P4HA1: variants seen among roughly 807,000 people sequenced by gnomAD.
P4HA1 encodes prolyl 4-hydroxylase subunit alpha 1, also known as prolyl 4-hydroxylase subunit alpha-1.
Under a neutral mutation model 72.8 loss-of-function variants are expected in P4HA1, and 24 were observed. That is an observed-to-expected ratio of 0.33 (90% CI 0.24 to 0.46). The LOEUF (loss-of-function observed/expected upper bound fraction) is 0.46, where lower values mean the gene tolerates loss of function less well. P4HA1 is among the 20% of genes least tolerant of loss of function. The pLI, the probability that P4HA1 is intolerant of heterozygous loss-of-function variation, is 1.00. For missense variants in P4HA1, 446 were observed against 640.6 expected (o/e 0.70, Z 3.28); for synonymous variants, 201 against 218.8 (o/e 0.92, Z 0.72).
chr10:73,016,696 C>G, intron 11 of P4HA1, 150 bp downstream of exon 11: 1 of 461,302 alleles, frequency 2.2e-6, no homozygotes, highest in Non-Finnish European at 4.0e-6. Flanking sequence ...AGAATTGCTC[C>G]AACCCAGGAG....
rs200687890 is a variant in P4HA1 at position 73,096,825 on chromosome 10, C to G, written c.-92G>C. On this transcript the variant is annotated 5_prime_UTR_variant, in exon 1 of 15. Coordinates refer to ENST00000394890, the MANE Select transcript of P4HA1 (RefSeq NM_001017962.3). ...AGCCCCCAGTCGCCTCCACTCGGAGCGGCTACTTCCTACCCTCAGCCCGCT... is the reference window on the plus strand; with the variant it reads ...AGCCCCCAGTCGCCTCCACTCGGAGGGGCTACTTCCTACCCTCAGCCCGCT... 2.0e-5 allele frequency: 3 copies of G among 152,804 alleles called. No homozygotes were observed. Among genetic ancestry groups the G allele is most frequent in the African/African-American group, 7.2e-5 (3 of 41,464 alleles). 9.5% of individuals were successfully genotyped at this position (152,804 alleles called of 1,614,324 possible). A position where few individuals can be genotyped will look rare whatever the true frequency, so the allele number is the denominator to read the frequency against.
chr10:73,058,774 CTTTTTTT>C (rs151028824), intron 5 of P4HA1, among the ~76,000 whole-genome samples: 1 of 123,828 alleles, frequency 8.1e-6, no homozygotes, highest in East Asian at 2.3e-4. Context: ...TTATAGTATG[CTTTTTTT>C]TTTTTTTTTT....
intron 11 of P4HA1, 146 bp downstream of exon 11, chr10:73,016,700 C>A (rs1432938487): frequency 6.3e-6 from 3 of 478,862 alleles, no homozygotes; most frequent in Non-Finnish European, 1.1e-5. Context: ...TTGCTCCAAC[C>A]CAGGAGGCAG....
intron 1 of P4HA1, among the ~76,000 whole-genome samples, 190 bp downstream of exon 1, chr10:73,096,576 C>CGGGAGTCGCGTGGCGCA (rs1290990510): frequency 6.6e-6 from 1 of 152,144 alleles, no homozygotes; most frequent in Non-Finnish European, 1.5e-5. Context: ...GCGCGGGCGC[C>CGGGAGTCGCGTGGCGCA]GGGAGTCGCG....
At position 73,083,024 on chromosome 10, in the gene P4HA1, A is replaced by G. The variant is rs1268197502; in HGVS notation, c.-32-8109T>C. On this transcript the variant is annotated intron_variant, in intron 1 of 14. Transcript: ENST00000394890. ...TTCAAACAAGCTTGAAAAAGAAATT[A>G]ATGGGTCAAAATGGATGCAATCTCC... 4.1e-5 allele frequency among the ~76,000 whole-genome samples: 6 copies of G among 145,884 alleles called. 1 individual carries two copies. Among genetic ancestry groups the G allele is most frequent in the Non-Finnish European group, 5.9e-5 (4 of 67,668 alleles).
intron 1 of P4HA1, among the ~76,000 whole-genome samples, chr10:73,094,494 A>G (rs943313048): frequency 9.9e-5 from 15 of 152,212 alleles, no homozygotes; most frequent in Non-Finnish European, 1.5e-4. Flanking sequence ...AAAGGATTTC[A>G]TGACCTTAAA....
At chr10:73,041,306 A>G (rs559844228) in intron 9 of P4HA1, among the ~76,000 whole-genome samples, 1 of 152,196 alleles carries the variant, frequency 6.6e-6, no homozygotes, top group South Asian at 2.1e-4. Flanking sequence ...GCACTTTGGG[A>G]GGCCGAGGCA....
In P4HA1 at chr10:73,036,268, T is replaced by A. The variant is rs78628291; in HGVS notation, c.1149-5898A>T. ...TGTTGATTGTAGGTTAAAAAAAAAA[T>A]AACTGTCAAACTGTCATCTTAATTG... On this transcript the variant is annotated intron_variant, in intron 9 of 14. Coordinates refer to ENST00000394890, the MANE Select transcript of P4HA1 (RefSeq NM_001017962.3). 5.3e-4 allele frequency among the ~76,000 whole-genome samples: 73 copies of A among 137,028 alleles called. 1 individual carries two copies. The highest frequency in any genetic ancestry group is 2.5e-3 in the African/African-American group (71 of 28,186). 89.9% of individuals were successfully genotyped at this position (137,028 alleles called of 152,430 possible).
chr10:73,031,420 G>T (rs1247657993), intron 9 of P4HA1, among the ~76,000 whole-genome samples: 1 of 152,168 alleles, frequency 6.6e-6, no homozygotes, highest in African/African-American at 2.4e-5. Context: ...GGGAGTTTGA[G>T]GCTGCAGTGA....
At chr10:73,056,464 T>A (rs1358578870) in intron 5 of P4HA1, among the ~76,000 whole-genome samples, 1 of 151,668 alleles carries the variant, frequency 6.6e-6, no homozygotes, top group Non-Finnish European at 1.5e-5. Context: ...AAACCCTGTC[T>A]CTACTAAAAA....
chr10:73,041,410 G>A (rs191904840), intron 9 of P4HA1, among the ~76,000 whole-genome samples: 3 of 152,030 alleles, frequency 2.0e-5, no homozygotes, highest in East Asian at 1.9e-4. Flanking sequence ...GGGCAGCAGC[G>A]GGCGCCTGTA....
At position 73,009,960 on chromosome 10, in the gene P4HA1, G is replaced by A. The variant is rs527306488; in HGVS notation, c.1438-57C>T. 1,127 of 963,402 alleles carry A rather than the reference G, an allele frequency of 1.2e-3. 22 individuals carry two copies. The South Asian group carries it at 0.015, about 13-fold the overall frequency. The allele number at this position is 963,402 out of a possible 1,614,324, so 59.7% of individuals were successfully genotyped here. ...TATACAATGCCAGGTAATTGCTTTC[G>A]GTAGTTATTACTTTTTTTTTTTTTT... On this transcript the variant is annotated intron_variant, in intron 13 of 14. Coordinates refer to ENST00000394890, the MANE Select transcript of P4HA1 (RefSeq NM_001017962.3).
At chr10:73,027,793 G>C (rs1589583977) in intron 10 of P4HA1, among the ~76,000 whole-genome samples, 1 of 137,152 alleles carries the variant, frequency 7.3e-6, no homozygotes, top group East Asian at 2.3e-4. Flanking sequence ...AGCAAACATG[G>C]AAGGAAGGAA....
At chr10:73,091,060 CAA>C (rs202009101) in intron 1 of P4HA1, among the ~76,000 whole-genome samples, 2,668 of 48,428 alleles carry the variant, frequency 0.055, 12 homozygotes, top group African/African-American at 0.14. Flanking sequence ...GAGTCCATCT[CAA>C]AAAAAAAAAA....
intron 4 of P4HA1, among the ~76,000 whole-genome samples, chr10:73,069,549 A>C (rs1344165059): frequency 6.6e-6 from 1 of 152,174 alleles, no homozygotes; most frequent in Non-Finnish European, 1.5e-5. Context: ...AAATATATTT[A>C]AATCAGTTTA....
At chr10:73,018,970 T>A (rs559738726) in intron 10 of P4HA1, among the ~76,000 whole-genome samples, 1 of 152,076 alleles carries the variant, frequency 6.6e-6, no homozygotes, top group Admixed American at 6.6e-5. Context: ...CCTAGCCCCA[T>A]AGCCACTCCA....
rs769323241 is a variant in P4HA1 at position 73,029,415 on chromosome 10, CAAAAAAA to C, written c.1248+849_1248+855del. 7.0e-5 allele frequency among the ~76,000 whole-genome samples: 4 copies of C among 56,940 alleles called. No individual in the cohort carries two copies. In the East Asian group the frequency reaches 2.1e-3, roughly 30 times the overall value. The allele number at this position is 56,940 out of a possible 152,430, so 37.4% of individuals were successfully genotyped here. A position where few individuals can be genotyped will look rare whatever the true frequency, so the allele number is the denominator to read the frequency against. ...ACAGAGCCAGACTCAGACTCCATCT[CAAAAAAA>C]AAAAAAAAAAAAAAATTGCAACCAG... is the stretch of plus-strand genomic sequence containing the variant. On this transcript the variant is annotated intron_variant, in intron 10 of 14. Coordinates refer to ENST00000394890, the MANE Select transcript of P4HA1 (RefSeq NM_001017962.3).
intron 9 of P4HA1, among the ~76,000 whole-genome samples, chr10:73,036,349 TATTTC>T (rs1446288221): frequency 6.6e-6 from 1 of 152,082 alleles, no homozygotes; most frequent in Non-Finnish European, 1.5e-5. Flanking sequence ...CATGGGAAGT[TATTTC>T]ATTTAATTTG....
rs112846133 is a variant in P4HA1 at position 73,069,806 on chromosome 10, G to A, written c.326-823C>T. 2.6e-3 allele frequency among the ~76,000 whole-genome samples: 377 copies of A among 147,444 alleles called. 3 individuals carry two copies. The highest frequency in any genetic ancestry group is 9.2e-3 in the African/African-American group (358 of 38,802). ...TCTTCTCATTAACTTATAATCAACT[G>A]TTTTGTTTTTTTTTTTTTGAGACAG... On this transcript the variant is annotated intron_variant, in intron 4 of 14. Coordinates refer to ENST00000394890, the MANE Select transcript of P4HA1 (RefSeq NM_001017962.3).
Sources: gnomAD v4.1 joint callset for allele counts (sites outside exome capture counted in the v4.1 genomes callset) on GRCh38, gnomAD v4.1.1 for gene constraint, MANE v1.5 for transcripts, NCBI Gene and HGNC (gene_info 2026-07-23, HGNC 2026-07-21) for gene names.